Variants in ATN1 observed in about 807,000 individuals in gnomAD.
The protein encoded by ATN1 is atrophin-1.
A neutral mutation model predicts 85.8 loss-of-function variants in ATN1; 19 were observed. The observed-to-expected ratio is 0.22, with a 90% CI of 0.15 to 0.32. The LOEUF is 0.32. Ranked by LOEUF, ATN1 falls within the 10% of genes least tolerant of loss-of-function variation. The pLI, the probability that ATN1 is intolerant of heterozygous loss-of-function variation, is 1.00. For missense variants in ATN1, 1,453 were observed against 1,564.5 expected (o/e 0.93, Z 1.20); for synonymous variants, 674 against 657.0 (o/e 1.03, Z -0.39).
chr12:6,935,403 TA>T lies in ATN1; in HGVS notation c.280-142del. The T allele has an allele frequency of 1.1e-6, 1 of 879,664 alleles. No individual in the cohort carries two copies. Among genetic ancestry groups the T allele is most frequent in the Non-Finnish European group, 1.7e-6 (1 of 598,402 alleles). The allele number at this position is 879,664 out of a possible 1,614,324, so 54.5% of individuals were successfully genotyped here. On this transcript the variant is annotated intron_variant, in intron 4 of 9. Coordinates refer to ENST00000396684, the MANE Select transcript of ATN1 (RefSeq NM_001940.4). The surrounding 1 kb of genome is among the most constrained non-coding windows in gnomAD (Gnocchi z 5.3). The stretch of plus-strand genomic sequence containing the variant: ...AGGAAAGTGAGAAATCCCCAGATGG[TA>T]AGAGGTGGGCTTGAGCAAGAGTACT...
In ATN1 at chr12:6,935,758, T is replaced by G. The variant is rs1555143467; in HGVS notation, c.491T>G (p.Leu164Arg). Residue 164 changes from leucine (L) to arginine (R), a missense_variant, in exon 5 of 10, where the codon CTC becomes CGC. This residue lies in a region of ATN1 where 990 missense variants were observed against 914.8 expected (regional missense o/e 1.08). Coordinates refer to ENST00000396684, the MANE Select transcript of ATN1 (RefSeq NM_001940.4). This position sits in a 1 kb window ranked among gnomAD's most constrained non-coding sequence, Gnocchi z 5.3. ...GCCCGCCCCTACCACCCACCTCCAC[T>G]CTTTCCTCCTTCCCCTCAACCGCCA... Reference protein sequence around the residue: ...GPARPYHPPPLFPPSPQPPDS... With the variant: ...GPARPYHPPPRFPPSPQPPDS... The G allele has an allele frequency of 1.2e-6, 2 of 1,610,758 alleles. No individual in the cohort carries two copies. Among genetic ancestry groups the G allele is most frequent in the Admixed American group, 1.7e-5 (1 of 59,800 alleles).
At position 6,935,548 on chromosome 12, in the gene ATN1, A is replaced by T. The variant is rs782062902; in HGVS notation, c.281A>T (p.Gln94Leu). ...TNAPKKTKTE[Q>L]ELPRPQSPSD... Reference sequence around the variant, plus strand: ...AAATGAGTCTTCCCTTTTCTACAGCAGGAACTCCCTCGGCCACAGTCTCCC... The same window carrying T: ...AAATGAGTCTTCCCTTTTCTACAGCTGGAACTCCCTCGGCCACAGTCTCCC... The change falls in exon 5 of 10, where the codon CAG becomes CTG. Residue 94 changes from glutamine (Q) to leucine (L), a missense_variant and splice_region_variant. Transcript: ENST00000396684. This position sits in a 1 kb window ranked among gnomAD's most constrained non-coding sequence, Gnocchi z 5.3. 6.2e-7 allele frequency: 1 copy of T among 1,607,490 alleles called. No homozygotes were observed. The highest frequency in any genetic ancestry group is 8.5e-7 in the Non-Finnish European group (1 of 1,174,970).
At chr12:6,938,128 C>A (rs1945578807) in intron 6 of ATN1, 61 bp downstream of exon 6, 2 of 1,482,358 alleles carry the variant, frequency 1.3e-6, no homozygotes, top group East Asian at 2.5e-5. Flanking sequence ...TCCCTCTGCG[C>A]TGCGCTGCGC....
chr12:6,935,142 C>T lies in ATN1; in HGVS notation c.280-405C>T, dbSNP rs1372967566. ...GCATCAAGTGATCCGCCCGCTTCAG[C>T]TTCCCAAAGTGCTGGGATTACAGGT... On this transcript the variant is annotated intron_variant, in intron 4 of 9. Transcript: ENST00000396684. The surrounding 1 kb of genome is among the most constrained non-coding windows in gnomAD (Gnocchi z 5.3). 1.3e-5 allele frequency among the ~76,000 whole-genome samples: 2 copies of T among 152,226 alleles called. No homozygotes were observed. Among genetic ancestry groups the T allele is most frequent in the Non-Finnish European group, 2.9e-5 (2 of 68,046 alleles).
In ATN1 at chr12:6,938,541, C is replaced by T. The variant is rs1487216853; in HGVS notation, c.2578C>T (p.Arg860Cys). Residue 860 changes from arginine (R) to cysteine (C), a missense_variant, in exon 7 of 10, where the codon CGC (arginine) becomes TGC (cysteine). By Grantham distance (180) the Arg-to-Cys change is radical (BLOSUM62 -3). This residue lies in a region of ATN1 where 208 missense variants were observed against 263.4 expected (regional missense o/e 0.79). Transcript: ENST00000396684. ...ECPSLGPVPH[R>C]PPFEPGSAVA... The stretch of plus-strand genomic sequence containing the variant: ...CCCATCTCTGGGCCCAGTGCCCCAT[C>T]GCCCTCCATTTGAACCGGGCAGTGC... 3 of 1,614,014 alleles carry T rather than the reference C, an allele frequency of 1.9e-6. No homozygotes were observed. The highest frequency in any genetic ancestry group is 1.1e-5 in the South Asian group (1 of 91,090).
Position 6,935,853 on chromosome 12 carries a change from G to A in ATN1, c.586G>A (p.Ala196Thr). Reference sequence around the variant, plus strand: ...TTCTGTGACACCCACTGGATATCATGCTCCCATGGAGCCCCCCACATCTCG... The same window carrying A: ...TTCTGTGACACCCACTGGATATCATACTCCCATGGAGCCCCCCACATCTCG... ...HPSVTPTGYH[A>T]PMEPPTSRMF... Residue 196 changes from alanine to threonine, a missense_variant, in exon 5 of 10, where the codon GCT becomes ACT. Ala to Thr is a moderately conservative substitution (Grantham distance 58). Coordinates refer to ENST00000396684, the MANE Select transcript of ATN1 (RefSeq NM_001940.4). The surrounding 1 kb of genome is among the most constrained non-coding windows in gnomAD (Gnocchi z 5.3). The A allele has an allele frequency of 6.2e-7, 1 of 1,613,834 alleles. No homozygotes were observed.
At position 6,941,796 on chromosome 12, in the gene ATN1, G is replaced by A; in HGVS notation, c.*16G>A. On this transcript the variant is annotated 3_prime_UTR_variant, in exon 10 of 10. Coordinates refer to ENST00000396684, the MANE Select transcript of ATN1 (RefSeq NM_001940.4). This position sits in a 1 kb window ranked among gnomAD's most constrained non-coding sequence, Gnocchi z 5.9. ...GCCACTGTAGAACCTGCGATCAAGA[G>A]AGCACCATGGCTCCTACATTGGACC... The A allele has an allele frequency of 6.2e-7, 1 of 1,613,772 alleles. No individual in the cohort carries two copies. Among genetic ancestry groups the A allele is most frequent in the Non-Finnish European group, 8.5e-7 (1 of 1,179,690 alleles).
chr12:6,933,796 C>T (rs1945495532), intron 1 of ATN1, 44 bp from the exon 2 acceptor site: 2 of 635,588 alleles, frequency 3.1e-6, no homozygotes, highest in South Asian at 2.0e-5. Context: ...TCCTTTGTGA[C>T]TCTGTTCTCC....
At chr12:6,930,740 G>A (rs1302604224) in intron 1 of ATN1, among the ~76,000 whole-genome samples, 1 of 152,158 alleles carries the variant, frequency 6.6e-6, no homozygotes, top group Non-Finnish European at 1.5e-5. Flanking sequence ...AGCTTGCAGT[G>A]AGCCGAGCCG....
At position 6,941,968 on chromosome 12, in the gene ATN1, A is replaced by G. The variant is rs1945642380; in HGVS notation, c.*188A>G. On this transcript the variant is annotated 3_prime_UTR_variant, in exon 10 of 10. Transcript: ENST00000396684. This position sits in a 1 kb window ranked among gnomAD's most constrained non-coding sequence, Gnocchi z 5.9. ...AAGGCCAAGGCCCGATGTGGTGTGC[A>G]GAGGTGGGGAGGTGGCGAGGATGGG... 2 of 623,784 alleles carry G rather than the reference A, an allele frequency of 3.2e-6. No individual in the cohort carries two copies. Among genetic ancestry groups the G allele is most frequent in the South Asian group, 3.7e-5 (2 of 53,558 alleles). 38.6% of individuals were successfully genotyped at this position (623,784 alleles called of 1,614,324 possible).
At chr12:6,933,293 T>C (rs930770613) in intron 1 of ATN1, among the ~76,000 whole-genome samples, 2 of 151,826 alleles carry the variant, frequency 1.3e-5, no homozygotes, top group Admixed American at 1.3e-4. Flanking sequence ...CTCGGCTCAC[T>C]GCAACCTCTG....
In ATN1 at chr12:6,941,625, G is replaced by T; in HGVS notation, c.3539+71G>T. 1.3e-6 allele frequency: 2 copies of T among 1,598,252 alleles called. No individual in the cohort carries two copies. Among genetic ancestry groups the T allele is most frequent in the Non-Finnish European group, 1.7e-6 (2 of 1,166,554 alleles). The stretch of plus-strand genomic sequence containing the variant: ...TGGGAGGAGCTGTGGGCATGGTACG[G>T]CTGGGCACCGTGCTCCTGGGGGAGG... On this transcript the variant is annotated intron_variant, in intron 9 of 9. Coordinates refer to ENST00000396684, the MANE Select transcript of ATN1 (RefSeq NM_001940.4). This position sits in a 1 kb window ranked among gnomAD's most constrained non-coding sequence, Gnocchi z 5.9.
Position 6,936,733 on chromosome 12 carries a change from AGCAGCAGCAGCAG to A in ATN1, c.1467_1479del (p.Gln489HisfsTer47). ...CATCACCACCAGCAACAGCAACAGC[AGCAGCAGCAGCAG>A]CAGCAGCAGCAGCAGCAGCAGCAGC... On this transcript the variant is annotated frameshift_variant, in exon 5 of 10. Transcript: ENST00000396684. LOFTEE classifies it high-confidence loss of function. The A allele has an allele frequency of 1.3e-6, 1 of 755,588 alleles. No individual in the cohort carries two copies. The highest frequency in any genetic ancestry group is 1.8e-6 in the Non-Finnish European group (1 of 568,194). The allele number at this position is 755,588 out of a possible 1,614,324, so 46.8% of individuals were successfully genotyped here. A position where few individuals can be genotyped will look rare whatever the true frequency, so the allele number is the denominator to read the frequency against.
rs1945631824 is a variant in ATN1, at chr12:6,941,343, G to A, written c.3359-31G>A. ...CAGAGCAGGTACTTGTTATCCGTTGGTCATATGCCCCTTGCCCTTCCTGCT... is the reference window on the plus strand; with the variant it reads ...CAGAGCAGGTACTTGTTATCCGTTGATCATATGCCCCTTGCCCTTCCTGCT... On this transcript the variant is annotated intron_variant, in intron 8 of 9. Coordinates refer to ENST00000396684, the MANE Select transcript of ATN1 (RefSeq NM_001940.4). The surrounding 1 kb of genome is among the most constrained non-coding windows in gnomAD (Gnocchi z 5.9). The A allele has an allele frequency of 1.9e-6, 3 of 1,564,988 alleles. No individual in the cohort carries two copies. Among genetic ancestry groups the A allele is most frequent in the Non-Finnish European group, 1.7e-6 (2 of 1,156,516 alleles).
rs60216939 is a variant in ATN1 at position 6,936,728 on chromosome 12, ACAGCAGCAGCAGCAG to A, written c.1494_1508del (p.Gln498_Gln502del). 0.11 allele frequency: 177,010 copies of A among 1,583,772 alleles called. 7,674 individuals carry two copies. The highest frequency in any genetic ancestry group is 0.16 in the East Asian group (6,930 of 43,450). ...ATCACCATCACCACCAGCAACAGCA[ACAGCAGCAGCAGCAG>A]CAGCAGCAGCAGCAGCAGCAGCAGC... On this transcript the variant is annotated inframe_deletion, in exon 5 of 10. Transcript: ENST00000396684.
Position 6,934,639 on chromosome 12 carries a change from T to C in ATN1, c.279+61T>C, listed in dbSNP as rs1382330818. Reference sequence around the variant, plus strand: ...TGACCATTCTTTTCTCAGACTTGCTTATGCTCACTATTCTTAGCTGGATCT... The same window carrying C: ...TGACCATTCTTTTCTCAGACTTGCTCATGCTCACTATTCTTAGCTGGATCT... On this transcript the variant is annotated intron_variant, in intron 4 of 9. Coordinates refer to ENST00000396684, the MANE Select transcript of ATN1 (RefSeq NM_001940.4). This position sits in a 1 kb window ranked among gnomAD's most constrained non-coding sequence, Gnocchi z 4.5. 4.1e-6 allele frequency: 5 copies of C among 1,223,590 alleles called. No individual in the cohort carries two copies. Among genetic ancestry groups the C allele is most frequent in the Non-Finnish European group, 5.9e-6 (5 of 849,340 alleles). 75.8% of individuals were successfully genotyped at this position (1,223,590 alleles called of 1,614,324 possible). A position where few individuals can be genotyped will look rare whatever the true frequency, so the allele number is the denominator to read the frequency against.
At position 6,939,096 on chromosome 12, in the gene ATN1, C is replaced by T. The variant is rs939326968; in HGVS notation, c.3133C>T (p.Leu1045Phe). The T allele has an allele frequency of 8.1e-6, 13 of 1,601,810 alleles. No homozygotes were observed. The Admixed American group carries it at 1.3e-4, about 16-fold the overall frequency. The part of the protein sequence containing the change: ...GNDPLARLQM[L>F]NVTPHHHQHS... Reference sequence around the variant, plus strand: ...TGACCCACTGGCCCGGCTGCAGATGCTCAATGTGACTCCCCATCACCACCA... The same window carrying T: ...TGACCCACTGGCCCGGCTGCAGATGTTCAATGTGACTCCCCATCACCACCA... The change falls in exon 7 of 10, where the codon CTC (leucine) becomes TTC (phenylalanine). Residue 1045 changes from leucine to phenylalanine, a missense_variant. Coordinates refer to ENST00000396684, the MANE Select transcript of ATN1 (RefSeq NM_001940.4).
rs1555143335 is a variant in ATN1, at chr12:6,934,417, G to A, written c.166-48G>A. On this transcript the variant is annotated intron_variant, in intron 3 of 9. Coordinates refer to ENST00000396684, the MANE Select transcript of ATN1 (RefSeq NM_001940.4). The surrounding 1 kb of genome is among the most constrained non-coding windows in gnomAD (Gnocchi z 4.5). ...CTGTTTGGCAGAGGGTAACGGTGGA[G>A]CTCGGGAGGTAGGGAAAAGACAGGA... The A allele has an allele frequency of 6.2e-7, 1 of 1,607,814 alleles. No individual in the cohort carries two copies.
intron 7 of ATN1, among the ~76,000 whole-genome samples, chr12:6,939,445 T>C (rs1167692432): frequency 6.6e-6 from 1 of 152,246 alleles, no homozygotes; most frequent in East Asian, 1.9e-4. Flanking sequence ...CGGGAGCTTT[T>C]GAAGGACACT....
Sources: allele counts gnomAD v4.1 joint callset (sites outside exome capture counted in the v4.1 genomes callset), GRCh38; gene constraint gnomAD v4.1.1; regional missense constraint gnomAD v4.1.1; non-coding constraint Gnocchi (gnomAD v3.1); transcripts MANE v1.5; gene names NCBI Gene and HGNC (gene_info 2026-07-23, HGNC 2026-07-21).